The following BEX4 variants were observed in gnomAD, a reference collection of about 807,000 sequenced individuals.
The protein encoded by BEX4 is protein BEX4.
For synonymous variants in BEX4, 37 were observed against 33.5 expected, an observed-to-expected ratio of 1.11 and a Z score of -0.36; for missense variants, 110 against 96.5, an observed-to-expected ratio of 1.14 and a Z score of -0.59.
At position 103,216,667 on chromosome X, in the gene BEX4, T is replaced by A; in HGVS notation, c.*151T>A. On this transcript the variant is annotated 3_prime_UTR_variant, in exon 3 of 3. Transcript: ENST00000372695. ...AATTGAATATTGTTTTGTCTCAGCC[T>A]AAAAGTTACGGTCAGCATGGCAATT... The A allele has an allele frequency of 1.5e-6, 1 of 674,644 alleles. No homozygotes were observed. The allele number at this position is 674,644 out of a possible 1,213,427, so 55.6% of individuals were successfully genotyped here.
rs1156843945 is a variant in BEX4 at position 103,216,058 on chromosome X, T to C, written c.-5-91T>C. The C allele has an allele frequency of 2.9e-6, 3 of 1,024,007 alleles. No homozygotes were observed. The African/African-American group carries it at 5.8e-5, about 20-fold the overall frequency. 84.4% of individuals were successfully genotyped at this position (1,024,007 alleles called of 1,213,427 possible). On this transcript the variant is annotated intron_variant, in intron 2 of 2. Coordinates refer to ENST00000372695, the MANE Select transcript of BEX4 (RefSeq NM_001080425.4). Reference sequence around the variant, plus strand: ...GAGTATAAAGTCAAGTCCAGGGCTCTGAATTTTAAAAGGTGCCTAGTAGGG... The same window carrying C: ...GAGTATAAAGTCAAGTCCAGGGCTCCGAATTTTAAAAGGTGCCTAGTAGGG...
intron 1 of BEX4, 80 bp downstream of exon 1, chrX:103,215,318 G>C (rs1043966802): frequency 5.2e-4 from 333 of 645,944 alleles, no homozygotes; most frequent in Non-Finnish European, 6.0e-4. Flanking sequence ...CGGGGGAGCC[G>C]TGCGGAGAAG....
rs1413216415 is a variant in BEX4 at position 103,216,305 on chromosome X, G to A, written c.152G>A (p.Arg51Lys). 1 of 1,208,740 alleles carries A rather than the reference G, an allele frequency of 8.3e-7. No homozygotes were observed. The highest frequency in any genetic ancestry group is 1.8e-5 in the African/African-American group (1 of 57,117). ...GGCCAGAAGCCTGGAGGAAATATCA[G>A]GCGGGGGCGAGTTAGGCGACTTGTC... Reference protein sequence around the residue: ...GEGQKPGGNIRRGRVRRLVPN... With the variant: ...GEGQKPGGNIKRGRVRRLVPN... Residue 51 changes from arginine (R) to lysine (K), a missense_variant, in exon 3 of 3, where the codon AGG (arginine) becomes AAG (lysine). Coordinates refer to ENST00000372695, the MANE Select transcript of BEX4 (RefSeq NM_001080425.4).
In BEX4 at chrX:103,216,231, G is replaced by A. The variant is rs748708849; in HGVS notation, c.78G>A (p.Gln26=). 1 of 1,175,223 alleles carries A rather than the reference G, an allele frequency of 8.5e-7. No homozygotes were observed. ...NAQQENEGGE[Q]APTQNEEESR... ...AACAAGAAAACGAAGGAGGGGAGCA[G>A]GCCCCCACGCAGAATGAAGAAGAAT... Residue 26 remains glutamine (Q), a synonymous_variant, in exon 3 of 3, where the codon CAG becomes CAA. Transcript: ENST00000372695.
Position 103,215,147 on chromosome X carries a change from G to T in BEX4, c.-180G>T. ...TCTGGCGTCAGAGCCGTCGTGGCTC[G>T]TTCCATTCTCGGCGGTGGTACCTGC... On this transcript the variant is annotated 5_prime_UTR_variant, in exon 1 of 3. Transcript: ENST00000372695. The T allele has an allele frequency of 5.3e-6, 4 of 754,751 alleles. No individual in the cohort carries two copies. Among genetic ancestry groups the T allele is most frequent in the Non-Finnish European group, 6.3e-6 (4 of 639,593 alleles). The allele number at this position is 754,751 out of a possible 1,213,427, so 62.2% of individuals were successfully genotyped here. A position where few individuals can be genotyped will look rare whatever the true frequency, so the allele number is the denominator to read the frequency against.
In BEX4 at chrX:103,215,673, C is replaced by A. The variant is rs758531968; in HGVS notation, c.-88-9C>A. The A allele has an allele frequency of 1.1e-6, 1 of 880,727 alleles. No homozygotes were observed. Among genetic ancestry groups the A allele is most frequent in the Non-Finnish European group, 1.4e-6 (1 of 715,589 alleles). 72.6% of individuals were successfully genotyped at this position (880,727 alleles called of 1,213,427 possible). On this transcript the variant is annotated splice_polypyrimidine_tract_variant and intron_variant, in intron 1 of 2. Transcript: ENST00000372695. The stretch of plus-strand genomic sequence containing the variant: ...GCTGCAGCAGCCCCCACTTCCCCCA[C>A]CCCGGCAGTCTGCAGGTCTGCGGGG...
At position 103,215,172 on chromosome X, in the gene BEX4, C is replaced by T. The variant is rs1924539361; in HGVS notation, c.-155C>T. On this transcript the variant is annotated 5_prime_UTR_variant, in exon 1 of 3. Transcript: ENST00000372695. Reference sequence around the variant, plus strand: ...GTTCCATTCTCGGCGGTGGTACCTGCTCCCGGTGGCCCTGAGGACGTGTGG... The same window carrying T: ...GTTCCATTCTCGGCGGTGGTACCTGTTCCCGGTGGCCCTGAGGACGTGTGG... 2.6e-6 allele frequency: 2 copies of T among 755,010 alleles called. No homozygotes were observed. Among genetic ancestry groups the T allele is most frequent in the Non-Finnish European group, 3.1e-6 (2 of 639,703 alleles). 62.2% of individuals were successfully genotyped at this position (755,010 alleles called of 1,213,427 possible). A position where few individuals can be genotyped will look rare whatever the true frequency, so the allele number is the denominator to read the frequency against.
In BEX4 at chrX:103,215,723, G is replaced by C; in HGVS notation, c.-47G>C. 1.2e-5 allele frequency: 11 copies of C among 926,754 alleles called. No individual in the cohort carries two copies. The highest frequency in any genetic ancestry group is 1.5e-5 in the Non-Finnish European group (11 of 737,641). The allele number at this position is 926,754 out of a possible 1,213,427, so 76.4% of individuals were successfully genotyped here. A position where few individuals can be genotyped will look rare whatever the true frequency, so the allele number is the denominator to read the frequency against. ...GCTAAGTGTCGCGGCGGCGCACCTC[G>C]CGTCAAGAATCCGGAGGAGGAGACT... On this transcript the variant is annotated 5_prime_UTR_variant, in exon 2 of 3. Transcript: ENST00000372695.
chrX:103,215,920 G>A (rs1230801180), intron 2 of BEX4, among the ~76,000 whole-genome samples, 156 bp downstream of exon 2: 2 of 111,375 alleles, frequency 1.8e-5, no homozygotes, highest in Non-Finnish European at 3.8e-5. Flanking sequence ...GCCTGCGGAA[G>A]CCTGGAGATG....
Position 103,215,158 on chromosome X carries a change from G to C in BEX4, c.-169G>C. On this transcript the variant is annotated 5_prime_UTR_variant, in exon 1 of 3. Transcript: ENST00000372695. ...AGCCGTCGTGGCTCGTTCCATTCTC[G>C]GCGGTGGTACCTGCTCCCGGTGGCC... The C allele has an allele frequency of 7.9e-6, 6 of 754,941 alleles. No homozygotes were observed. Among genetic ancestry groups the C allele is most frequent in the Non-Finnish European group, 9.4e-6 (6 of 639,625 alleles). 62.2% of individuals were successfully genotyped at this position (754,941 alleles called of 1,213,427 possible). A position where few individuals can be genotyped will look rare whatever the true frequency, so the allele number is the denominator to read the frequency against.
In BEX4 at chrX:103,215,161, G is replaced by A. The variant is rs762515130; in HGVS notation, c.-166G>A. ...CGTCGTGGCTCGTTCCATTCTCGGC[G>A]GTGGTACCTGCTCCCGGTGGCCCTG... On this transcript the variant is annotated 5_prime_UTR_variant, in exon 1 of 3. Transcript: ENST00000372695. 1 of 753,176 alleles carries A rather than the reference G, an allele frequency of 1.3e-6. No homozygotes were observed. Among genetic ancestry groups the A allele is most frequent in the South Asian group, 6.8e-5 (1 of 14,643 alleles). The allele number at this position is 753,176 out of a possible 1,213,427, so 62.1% of individuals were successfully genotyped here.
chrX:103,215,557 T>C, intron 1 of BEX4, 125 bp from the exon 2 acceptor site: 1 of 378,195 alleles, frequency 2.6e-6, no homozygotes, highest in Non-Finnish European at 3.3e-6. Context: ...GGGGCGAGGG[T>C]GGCGAGGAGG....
At chrX:103,215,499 T>C (rs1254413103) in intron 1 of BEX4, among the ~76,000 whole-genome samples, 183 bp from the exon 2 acceptor site, 2 of 108,755 alleles carry the variant, frequency 1.8e-5, no homozygotes, top group Non-Finnish European at 3.8e-5. Context: ...CCGCACTTCT[T>C]GGTGCAGAAA....
At position 103,216,486 on chromosome X, in the gene BEX4, C is replaced by A; in HGVS notation, c.333C>A (p.Asp111Glu). ...TGCGCTTCCAAACTCCTGAACCTGA[C>A]AACCATTATGACTTTTGCCTCATAC... ...HYMRFQTPEP[D>E]NHYDFCLIP The change falls in exon 3 of 3, where the codon GAC becomes GAA. Residue 111 changes from aspartate to glutamate, a missense_variant. Transcript: ENST00000372695. The A allele has an allele frequency of 8.3e-7, 1 of 1,210,125 alleles. No homozygotes were observed. Among genetic ancestry groups the A allele is most frequent in the Non-Finnish European group, 1.1e-6 (1 of 894,691 alleles).
Position 103,215,248 on chromosome X carries a change from C to T in BEX4, c.-89+10C>T. 2 of 754,772 alleles carry T rather than the reference C, an allele frequency of 2.6e-6. No individual in the cohort carries two copies. Among genetic ancestry groups the T allele is most frequent in the South Asian group, 6.7e-5 (1 of 14,888 alleles). 62.2% of individuals were successfully genotyped at this position (754,772 alleles called of 1,213,427 possible). A position where few individuals can be genotyped will look rare whatever the true frequency, so the allele number is the denominator to read the frequency against. The stretch of plus-strand genomic sequence containing the variant: ...AGCGGAGGGGGAGCAGGTAAGGAAC[C>T]CGGCGGGGGGTCCCTGGGGTTGGTG... On this transcript the variant is annotated intron_variant, in intron 1 of 2. Transcript: ENST00000372695.
At position 103,216,256 on chromosome X, in the gene BEX4, T is replaced by G; in HGVS notation, c.103T>G (p.Ser35Ala). The G allele has an allele frequency of 8.4e-7, 1 of 1,194,718 alleles. No individual in the cohort carries two copies. Residue 35 changes from serine (S) to alanine (A), a missense_variant, in exon 3 of 3, where the codon TCC becomes GCC. Coordinates refer to ENST00000372695, the MANE Select transcript of BEX4 (RefSeq NM_001080425.4). ...EQAPTQNEEE[S>A]RHLGGGEGQK... is the part of the protein sequence containing the mutation. ...GGCCCCCACGCAGAATGAAGAAGAA[T>G]CCCGCCATTTGGGAGGGGGTGAAGG...
chrX:103,216,359 G>T lies in BEX4; in HGVS notation c.206G>T (p.Arg69Met). 1.7e-6 allele frequency: 2 copies of T among 1,211,543 alleles called. No homozygotes were observed. Among genetic ancestry groups the T allele is most frequent in the Non-Finnish European group, 2.2e-6 (2 of 895,487 alleles). Reference sequence around the variant, plus strand: ...AATTTTCGATGGGCCATACCTAATAGGCATATTGAGCACAATGAAGCGAGA... The same window carrying T: ...AATTTTCGATGGGCCATACCTAATATGCATATTGAGCACAATGAAGCGAGA... ...VPNFRWAIPN[R>M]HIEHNEARDD... is the part of the protein sequence containing the mutation. The change falls in exon 3 of 3, where the codon AGG becomes ATG. Residue 69 changes from arginine to methionine, a missense_variant. Coordinates refer to ENST00000372695, the MANE Select transcript of BEX4 (RefSeq NM_001080425.4).
rs1019473422 is a variant in BEX4 at position 103,215,111 on chromosome X, T to C, written c.-216T>C. Reference sequence around the variant, plus strand: ...CCCCACGTGACCGGCCAACACTGAGTGTTGTCTCGCTCTGGCGTCAGAGCC... The same window carrying C: ...CCCCACGTGACCGGCCAACACTGAGCGTTGTCTCGCTCTGGCGTCAGAGCC... On this transcript the variant is annotated 5_prime_UTR_variant, in exon 1 of 3. Coordinates refer to ENST00000372695, the MANE Select transcript of BEX4 (RefSeq NM_001080425.4). 2.8e-5 allele frequency: 21 copies of C among 751,010 alleles called. No homozygotes were observed. In the African/African-American group the frequency reaches 4.9e-4, roughly 18 times the overall value. The allele number at this position is 751,010 out of a possible 1,213,427, so 61.9% of individuals were successfully genotyped here.
intron 1 of BEX4, 27 bp downstream of exon 1, chrX:103,215,265 G>A (rs1924542902): frequency 1.3e-6 from 1 of 750,345 alleles, no homozygotes; most frequent in Admixed American, 8.6e-5. Flanking sequence ...GGGGTCCCTG[G>A]GGTTGGTGTG....
Sources: gnomAD v4.1 joint callset for allele counts (sites outside exome capture counted in the v4.1 genomes callset) on GRCh38, gnomAD v4.1.1 for gene constraint, MANE v1.5 for transcripts, NCBI Gene and HGNC (gene_info 2026-07-23, HGNC 2026-07-21) for gene names.